TARBP1: variants seen among roughly 807,000 people sequenced by gnomAD.
TARBP1 encodes the protein tRNA guanosine 2 -O-methyltransferase TARBP1.
In TARBP1, 144 loss-of-function variants were observed where a neutral mutation model predicts 178.6. The ratio of observed to expected loss-of-function variants is 0.81; its 90% CI spans 0.70 to 0.93. The LOEUF (loss-of-function observed/expected upper bound fraction) is 0.93. TARBP1 is among the 40% of genes least tolerant of loss of function. The pLI is 0.00. For synonymous variants in TARBP1, 787 were observed against 781.0 expected, an observed-to-expected ratio of 1.01 and a Z score of -0.13; for missense variants, 2,067 against 2,011.7, an observed-to-expected ratio of 1.03 and a Z score of -0.53.
rs1669814256 is a variant in TARBP1, at chr1:234,478,591, C to T, written c.513G>A (p.Ala171=). The change falls in exon 1 of 30, where the codon GCG becomes GCA. Residue 171 remains alanine (A), a synonymous_variant. Transcript: ENST00000040877. ...CATCCCCGTCCCCGCCCCCGCCCAG[C>T]GCCAGGGCGACGGCGGTCCCCGCCA... ...ERVAGTAVAL[A]LGGGGDGDEA... 1.0e-5 allele frequency: 13 copies of T among 1,296,338 alleles called. No individual in the cohort carries two copies. Among genetic ancestry groups the T allele is most frequent in the Non-Finnish European group, 1.3e-5 (13 of 1,024,480 alleles). 80.3% of individuals were successfully genotyped at this position (1,296,338 alleles called of 1,614,324 possible).
At chr1:234,462,050 G>A (rs536672575) in intron 6 of TARBP1, among the ~76,000 whole-genome samples, 1 of 152,340 alleles carries the variant, frequency 6.6e-6, no homozygotes, top group South Asian at 2.1e-4. Context: ...GTGAATGAAT[G>A]TTTTAATTGC....
intron 22 of TARBP1, among the ~76,000 whole-genome samples, chr1:234,413,616 G>A (rs1018011090): frequency 1.3e-5 from 2 of 152,200 alleles, no homozygotes; most frequent in Non-Finnish European, 2.9e-5. Context: ...CTAAGATCAC[G>A]CAAGCCTTAC....
Position 234,472,754 on chromosome 1 carries a change from T to C in TARBP1, c.989A>G (p.Glu330Gly). 3.7e-6 allele frequency: 6 copies of C among 1,604,590 alleles called. No homozygotes were observed. Among genetic ancestry groups the C allele is most frequent in the Non-Finnish European group, 5.1e-6 (6 of 1,177,644 alleles). Residue 330 changes from glutamate to glycine, a missense_variant, in exon 2 of 30, where the codon GAA becomes GGA. Glu to Gly is a moderately conservative substitution (Grantham distance 98). Coordinates refer to ENST00000040877, the MANE Select transcript of TARBP1 (RefSeq NM_005646.4). Reference protein sequence around the residue: ...RKKDELLKFWENYILIMETLE... With the variant: ...RKKDELLKFWGNYILIMETLE... ...AGTCTCCATAATTAAAATATAATTT[T>C]CCCAAAACTTTAGAAGCTCATCTTT...
At chr1:234,472,329 CAAAAAAAAAAAAAAAA>C (rs1160411119) in intron 2 of TARBP1, among the ~76,000 whole-genome samples, 16 of 46,080 alleles carry the variant, frequency 3.5e-4, no homozygotes, top group Admixed American at 9.0e-4. Context: ...ACTCTGTCTC[CAAAAAAAAAAAAAAAA>C]AAAAAAAAAA....
chr1:234,417,901 T>C (rs1662611444), intron 22 of TARBP1, among the ~76,000 whole-genome samples, 183 bp downstream of exon 22: 1 of 152,174 alleles, frequency 6.6e-6, no homozygotes, highest in Non-Finnish European at 1.5e-5. Flanking sequence ...TATGAAATAT[T>C]CAAAATGAAT....
At chr1:234,434,952 C>T (rs142771599) in intron 13 of TARBP1, among the ~76,000 whole-genome samples, 3,566 of 152,026 alleles carry the variant, frequency 0.023, 61 homozygotes, top group South Asian at 0.062. Flanking sequence ...CACCAGTGTT[C>T]GCTGGAACTA....
intron 6 of TARBP1, among the ~76,000 whole-genome samples, chr1:234,460,863 G>A (rs150585773): frequency 3.3e-4 from 50 of 152,276 alleles, no homozygotes; most frequent in African/African-American, 1.0e-3. Flanking sequence ...CCACAAAAAG[G>A]AATGAAATGC....
chr1:234,393,071 A>G (rs1286974578), intron 28 of TARBP1, among the ~76,000 whole-genome samples: 3 of 152,142 alleles, frequency 2.0e-5, no homozygotes, highest in Admixed American at 2.0e-4. Context: ...GGGCTGTAAC[A>G]GGATATGTTT....
rs148231508 is a variant in TARBP1, at chr1:234,432,170, G to A, written c.2394+1240C>T. 7.0e-3 allele frequency among the ~76,000 whole-genome samples: 1,058 copies of A among 150,382 alleles called. 13 individuals carry two copies. Among genetic ancestry groups the A allele is most frequent in the African/African-American group, 0.025 (1,009 of 40,934 alleles). ...AAAAAAAAGCCTTGAGGCCAGGCAC[G>A]GTGGCTCACACCTACAATCCCAGAA... On this transcript the variant is annotated intron_variant, in intron 14 of 29. Coordinates refer to ENST00000040877, the MANE Select transcript of TARBP1 (RefSeq NM_005646.4).
rs763362097 is a variant in TARBP1 at position 234,398,396 on chromosome 1, G to C, written c.4229C>G (p.Ser1410Cys). ...TTATTTTTTACCTATGTCTTGCTGA[G>C]ACCAGTCACCTGGTTTTAGTTTACT... ...QLSKLKPGDW[S>C]QQDIGTNLVE... is the part of the protein sequence containing the mutation. Residue 1410 changes from serine (S) to cysteine (C), a missense_variant, in exon 26 of 30, where the codon TCT (serine) becomes TGT (cysteine). By Grantham distance (112) the Ser-to-Cys change is moderately radical. Coordinates refer to ENST00000040877, the MANE Select transcript of TARBP1 (RefSeq NM_005646.4). The C allele has an allele frequency of 1.5e-4, 237 of 1,606,178 alleles. No homozygotes were observed. Among genetic ancestry groups the C allele is most frequent in the Non-Finnish European group, 1.5e-4 (182 of 1,175,362 alleles).
intron 12 of TARBP1, among the ~76,000 whole-genome samples, chr1:234,445,104 G>A (rs568877990): frequency 1.3e-5 from 2 of 152,196 alleles, no homozygotes; most frequent in Non-Finnish European, 2.9e-5. Context: ...TTTCCATGTT[G>A]CTAAATTGGA....
At chr1:234,467,967 C>G (rs1032980145) in intron 3 of TARBP1, among the ~76,000 whole-genome samples, 20 of 152,038 alleles carry the variant, frequency 1.3e-4, no homozygotes, top group Admixed American at 1.2e-3. Flanking sequence ...TTTTTAGAAA[C>G]ATGGTCTCAG....
intron 9 of TARBP1, among the ~76,000 whole-genome samples, chr1:234,452,949 A>T (rs1295939595): frequency 2.0e-5 from 3 of 152,238 alleles, no homozygotes; most frequent in Admixed American, 2.0e-4. Context: ...ACTAAGTGGA[A>T]GAGCCAATCT....
At chr1:234,394,343 C>A (rs563917669) in intron 26 of TARBP1, among the ~76,000 whole-genome samples, 3 of 152,302 alleles carry the variant, frequency 2.0e-5, no homozygotes, top group African/African-American at 7.2e-5. Context: ...GCAGTTATCT[C>A]TTGACAAAAG....
Position 234,433,269 on chromosome 1 carries a change from T to C in TARBP1, c.2394+141A>G, listed in dbSNP as rs78278799. 6.3e-4 allele frequency: 562 copies of C among 890,882 alleles called. 5 individuals carry two copies. In the East Asian group the frequency reaches 0.015, roughly 24 times the overall value. The allele number at this position is 890,882 out of a possible 1,614,324, so 55.2% of individuals were successfully genotyped here. The stretch of plus-strand genomic sequence containing the variant: ...ACAAAAAGTATCAATCTTAACTACA[T>C]CTTATCACTAGAGGGTATATTTTAA... On this transcript the variant is annotated intron_variant, in intron 14 of 29. Transcript: ENST00000040877.
chr1:234,447,568 A>G (rs1666323045), intron 11 of TARBP1, among the ~76,000 whole-genome samples: 2 of 151,964 alleles, frequency 1.3e-5, no homozygotes, highest in African/African-American at 4.8e-5. Context: ...GTAATTTTTT[A>G]ATTTTTGTAG....
intron 12 of TARBP1, among the ~76,000 whole-genome samples, chr1:234,444,049 A>G (rs1665888949): frequency 6.6e-6 from 1 of 152,238 alleles, no homozygotes; most frequent in Non-Finnish European, 1.5e-5. Context: ...TGGCTGCACA[A>G]CAGTGTGAAC....
intron 1 of TARBP1, among the ~76,000 whole-genome samples, chr1:234,473,731 C>G (rs79618161): frequency 6.6e-6 from 1 of 152,146 alleles, no homozygotes; most frequent in Admixed American, 6.5e-5. Flanking sequence ...AGCTTTAAAC[C>G]CAATTTTGAT....
chr1:234,406,064 C>T lies in TARBP1; in HGVS notation c.3828G>A (p.Leu1276=), dbSNP rs768289945. 1.2e-6 allele frequency: 2 copies of T among 1,614,150 alleles called. No individual in the cohort carries two copies. Among genetic ancestry groups the T allele is most frequent in the Non-Finnish European group, 1.7e-6 (2 of 1,180,026 alleles). The change falls in exon 24 of 30, where the codon CTG becomes CTA. Residue 1276 remains leucine, a synonymous_variant. Transcript: ENST00000040877. ...TAAAATTGTGATTGAAACACCACTG[C>T]AGCACAACTATAAGGGCTTGCTTCA... ...LILKQALIVV[L]QWCFNHNFSV... is the part of the protein sequence containing the mutation.
Sources: gnomAD v4.1 joint callset for allele counts (sites outside exome capture counted in the v4.1 genomes callset) on GRCh38, gnomAD v4.1.1 for gene constraint, MANE v1.5 for transcripts, NCBI Gene and HGNC (gene_info 2026-07-23, HGNC 2026-07-21) for gene names.